Variants in MAGI2 observed in about 807,000 individuals in gnomAD.
The protein encoded by MAGI2 is membrane associated guanylate kinase, WW and PDZ domain containing 2, also known as membrane-associated guanylate kinase, WW and PDZ domain-containing protein 2.
Under a neutral mutation model 133.3 loss-of-function variants are expected in MAGI2, and 35 were observed. The ratio of observed to expected loss-of-function variants is 0.26; its 90% confidence interval spans 0.20 to 0.35. The LOEUF (loss-of-function observed/expected upper bound fraction) is 0.35. Among genes scored for constraint, MAGI2 ranks in the 10% least tolerant of loss-of-function variants. The pLI is 1.00. For synonymous variants in MAGI2, 729 were observed against 710.6 expected (o/e 1.03, Z -0.41); for missense variants, 1,636 against 1,863.4 (o/e 0.88, Z 2.25).
At chr7:79,299,709 T>G (rs4730758) in intron 1 of MAGI2, among the ~76,000 whole-genome samples, 141,546 of 151,998 alleles carry the variant, frequency 0.93, 66,268 homozygotes, top group Non-Finnish European at 0.98. Context: ...GTGATATCAT[T>G]TGGATATTTG....
chr7:78,909,602 CAAAAAAAAA>C (rs1237807866), intron 2 of MAGI2, among the ~76,000 whole-genome samples: 1 of 42,160 alleles, frequency 2.4e-5, no homozygotes, highest in African/African-American at 1.0e-4. Context: ...GACTCCATCT[CAAAAAAAAA>C]AAAAAAAAAA....
At chr7:79,045,912 CA>C (rs1410378220) in intron 1 of MAGI2, among the ~76,000 whole-genome samples, 1 of 152,146 alleles carries the variant, frequency 6.6e-6, no homozygotes. Context: ...TGAATCTATA[CA>C]TATGATAAAA....
intron 1 of MAGI2, among the ~76,000 whole-genome samples, chr7:79,045,608 C>T (rs1165396137): frequency 1.3e-5 from 2 of 152,050 alleles, no homozygotes; most frequent in African/African-American, 2.4e-5. Context: ...CTGCCTAACA[C>T]AGTGAAACCC....
chr7:78,423,438 C>T (rs2151412738), intron 6 of MAGI2, among the ~76,000 whole-genome samples: 1 of 152,286 alleles, frequency 6.6e-6, no homozygotes, highest in Non-Finnish European at 1.5e-5. Context: ...AAGTCTTTAT[C>T]AGCAGCATGA....
At chr7:78,933,883 C>G (rs1363289244) in intron 2 of MAGI2, among the ~76,000 whole-genome samples, 1 of 152,060 alleles carries the variant, frequency 6.6e-6, no homozygotes. Flanking sequence ...AGTAGATTCC[C>G]TCCGCATCCC....
In MAGI2 at chr7:78,704,278, A is replaced by T. The variant is rs113535265; in HGVS notation, c.419-77039T>A. Reference sequence around the variant, plus strand: ...CAAAAAACAGGAACAGACACTTTCCAAAAGGAGATATACATGTGGCCAAGA... The same window carrying T: ...CAAAAAACAGGAACAGACACTTTCCTAAAGGAGATATACATGTGGCCAAGA... On this transcript the variant is annotated intron_variant, in intron 2 of 21. Coordinates refer to ENST00000354212, the MANE Select transcript of MAGI2 (RefSeq NM_012301.4). 9.1e-3 allele frequency among the ~76,000 whole-genome samples: 1,382 copies of T among 152,284 alleles called. 23 individuals carry two copies. The highest frequency in any genetic ancestry group is 0.032 in the African/African-American group (1,316 of 41,558).
At position 78,876,757 on chromosome 7, in the gene MAGI2, T is replaced by C. The variant is rs149337827; in HGVS notation, c.418+130333A>G. The stretch of plus-strand genomic sequence containing the variant: ...TGTTATAGGACATTCAATTCCATGC[T>C]TTTTAGAAGAAAGGTGCAATGAATG... On this transcript the variant is annotated intron_variant, in intron 2 of 21. Transcript: ENST00000354212. 7.5e-4 allele frequency among the ~76,000 whole-genome samples: 114 copies of C among 152,350 alleles called. No homozygotes were observed. The East Asian group carries it at 0.017, about 22-fold the overall frequency.
rs1361670602 is a variant in MAGI2, at chr7:78,322,288, C to T, written c.1408+21490G>A. Among the ~76,000 whole-genome samples the T allele has an allele frequency of 7.9e-5, 12 of 152,248 alleles. No individual in the cohort carries two copies. In the South Asian group the frequency reaches 2.3e-3, roughly 29 times the overall value. On this transcript the variant is annotated intron_variant, in intron 9 of 21. Coordinates refer to ENST00000354212, the MANE Select transcript of MAGI2 (RefSeq NM_012301.4). ...TACACCCAAAGGATTATAAATCATG[C>T]TACTATAAAGACACATTCACCCATA...
intron 1 of MAGI2, among the ~76,000 whole-genome samples, chr7:79,126,774 A>T (rs73369364): frequency 0.015 from 2,224 of 151,570 alleles, 47 homozygotes; most frequent in African/African-American, 0.048. Context: ...ACTTTTTTTT[A>T]AAAAATGTTT....
chr7:78,236,236 G>A (rs1240875185), intron 10 of MAGI2, among the ~76,000 whole-genome samples: 1 of 151,996 alleles, frequency 6.6e-6, no homozygotes, highest in Non-Finnish European at 1.5e-5. Context: ...ACAAAGAGGA[G>A]GAAGATAGAC....
intron 3 of MAGI2, among the ~76,000 whole-genome samples, chr7:78,558,250 A>C (rs2150728964): frequency 6.6e-6 from 1 of 152,284 alleles, no homozygotes; most frequent in Non-Finnish European, 1.5e-5. Context: ...AAAGAGACAA[A>C]CGTTAATTTA....
rs568362604 is a variant in MAGI2 at position 78,524,907 on chromosome 7, AC to A, written c.539-3263del. 2.0e-3 allele frequency among the ~76,000 whole-genome samples: 310 copies of A among 152,248 alleles called. 2 individuals are homozygous for A. Among genetic ancestry groups the A allele is most frequent in the African/African-American group, 7.1e-3 (294 of 41,548 alleles). Reference sequence around the variant, plus strand: ...AAGGTAGTATTCTAATATCTTTAATACCTTTAATACATAGTACTAAGCAAAA... The same window carrying A: ...AAGGTAGTATTCTAATATCTTTAATACTTTAATACATAGTACTAAGCAAAA... On this transcript the variant is annotated intron_variant, in intron 3 of 21. Transcript: ENST00000354212.
At chr7:78,308,716 T>C (rs1798446876) in intron 9 of MAGI2, among the ~76,000 whole-genome samples, 1 of 152,168 alleles carries the variant, frequency 6.6e-6, no homozygotes. Context: ...CTTAGGTCTA[T>C]ACTTGAAGTC....
intron 12 of MAGI2, among the ~76,000 whole-genome samples, chr7:78,189,289 T>G (rs1204081425): frequency 1.3e-5 from 2 of 152,208 alleles, no homozygotes; most frequent in Non-Finnish European, 2.9e-5. Context: ...AAATGATAAT[T>G]TCATTTCATA....
At chr7:78,534,465 G>GTA (rs1017756044) in intron 3 of MAGI2, among the ~76,000 whole-genome samples, 14 of 152,266 alleles carry the variant, frequency 9.2e-5, no homozygotes, top group African/African-American at 3.4e-4. Context: ...GTGTGTGTTT[G>GTA]TATATATATG....
At chr7:78,998,500 G>T (rs1315244707) in intron 2 of MAGI2, among the ~76,000 whole-genome samples, 1 of 152,064 alleles carries the variant, frequency 6.6e-6, no homozygotes, top group Non-Finnish European at 1.5e-5. Context: ...AGAACCAATG[G>T]CTTCCAATTC....
chr7:78,996,489 T>C (rs1394697213), intron 2 of MAGI2, among the ~76,000 whole-genome samples: 3 of 151,994 alleles, frequency 2.0e-5, no homozygotes, highest in Non-Finnish European at 2.9e-5. Context: ...AGAGAAAACC[T>C]CACACTGGGG....
At chr7:78,034,195 A>G (rs140886294) in intron 21 of MAGI2, among the ~76,000 whole-genome samples, 39 of 152,310 alleles carry the variant, frequency 2.6e-4, no homozygotes, top group East Asian at 1.5e-3. Context: ...TGACAAAGTG[A>G]CATGCCCTTA....
intron 2 of MAGI2, among the ~76,000 whole-genome samples, chr7:78,801,844 C>T (rs1788084838): frequency 6.6e-6 from 1 of 151,944 alleles, no homozygotes; most frequent in Non-Finnish European, 1.5e-5. Context: ...TACTATTATC[C>T]CTTCTCCTCC....
Sources: allele counts gnomAD v4.1 joint callset (sites outside exome capture counted in the v4.1 genomes callset), GRCh38; gene constraint gnomAD v4.1.1; transcripts MANE v1.5; gene names NCBI Gene and HGNC (gene_info 2026-07-23, HGNC 2026-07-21).